Variants in DPYD observed in about 807,000 individuals in gnomAD.
DPYD encodes dihydropyrimidine dehydrogenase [NADP(+)].
DPYD carries 109 observed loss-of-function variants against 116.2 expected under a neutral mutation model. That is an observed-to-expected ratio of 0.94 (90% confidence interval 0.80 to 1.10). DPYD has a LOEUF of 1.10. Among genes scored for constraint, DPYD ranks in the 50% least tolerant of loss-of-function variants. The probability of loss-of-function intolerance (pLI) is 0.00; values close to 1 mark genes in which losing one functional copy is unlikely to be tolerated. For synonymous variants in DPYD, 440 were observed against 432.0 expected, an observed-to-expected ratio of 1.02 and a Z score of -0.23; for missense variants, 1,302 against 1,254.5, an observed-to-expected ratio of 1.04 and a Z score of -0.57.
intron 21 of DPYD, among the ~76,000 whole-genome samples, chr1:97,092,080 G>T (rs1360512441): frequency 2.6e-5 from 4 of 152,018 alleles, no homozygotes; most frequent in African/African-American, 7.2e-5. Flanking sequence ...GGTGTTCCCT[G>T]GCCAGTCTCT....
At chr1:97,163,107 C>A (rs1329985194) in intron 20 of DPYD, among the ~76,000 whole-genome samples, 1 of 151,566 alleles carries the variant, frequency 6.6e-6, no homozygotes, top group Non-Finnish European at 1.5e-5. Context: ...AAAGCAATGG[C>A]AACAAAAGCC....
In DPYD at chr1:97,679,098, T is replaced by C. The variant is rs1392848676; in HGVS notation, c.847A>G (p.Ile283Val). ...EKGYKAAFIGIGLPEPNKDAI... is the reference protein window; with the variant it reads ...EKGYKAAFIGVGLPEPNKDAI... The stretch of plus-strand genomic sequence containing the variant: ...TATTTAAGAGTAAACTACTCACCTA[T>C]TCCAATGAAAGCAGCTTTGTAGCCT... The change falls in exon 8 of 23, where the codon ATA becomes GTA. Residue 283 changes from isoleucine to valine, a missense_variant. Physicochemically the swap from Ile to Val is conservative, Grantham distance 29. Transcript: ENST00000370192. The C allele has an allele frequency of 2.6e-6, 4 of 1,527,172 alleles. No individual in the cohort carries two copies. Among genetic ancestry groups the C allele is most frequent in the East Asian group, 2.3e-5 (1 of 43,934 alleles). 94.6% of individuals were successfully genotyped at this position (1,527,172 alleles called of 1,614,324 possible).
intron 14 of DPYD, among the ~76,000 whole-genome samples, chr1:97,398,597 T>C (rs2101627052): frequency 6.6e-6 from 1 of 152,266 alleles, no homozygotes; most frequent in Admixed American, 6.5e-5. Flanking sequence ...CCACATCCTC[T>C]CCAGCACCTG....
At chr1:97,920,753 T>C in intron 1 of DPYD, 131 bp downstream of exon 1, 2 of 1,306,134 alleles carry the variant, frequency 1.5e-6, no homozygotes, top group South Asian at 2.6e-5. Flanking sequence ...CCCGCAGAGC[T>C]CCCACGGGGG....
In DPYD at chr1:97,234,840, C is replaced by G. The variant is rs1420731810; in HGVS notation, c.2442+12G>C. ...GAGATTTTTAAAAGGGACAGACAAA[C>G]ACAATGACTACCTGGAGGACGGAAG... is the stretch of plus-strand genomic sequence containing the variant. On this transcript the variant is annotated intron_variant, in intron 19 of 22. Transcript: ENST00000370192. The G allele has an allele frequency of 3.1e-6, 5 of 1,613,542 alleles. No homozygotes were observed. Among genetic ancestry groups the G allele is most frequent in the Non-Finnish European group, 3.4e-6 (4 of 1,179,852 alleles).
intron 13 of DPYD, among the ~76,000 whole-genome samples, chr1:97,466,660 A>G (rs940060980): frequency 6.6e-6 from 1 of 152,096 alleles, no homozygotes; most frequent in African/African-American, 2.4e-5. Flanking sequence ...TGTTCTTTGA[A>G]ATATTTGGGG....
intron 20 of DPYD, among the ~76,000 whole-genome samples, chr1:97,152,439 T>TACACACACAC (rs71590217): frequency 0.026 from 3,785 of 145,300 alleles, 92 homozygotes; most frequent in African/African-American, 0.066. Flanking sequence ...CTGAATCACA[T>TACACACACAC]ACACACACAC....
At chr1:97,731,122 T>C (rs1342499081) in intron 4 of DPYD, among the ~76,000 whole-genome samples, 1 of 152,166 alleles carries the variant, frequency 6.6e-6, no homozygotes, top group Non-Finnish European at 1.5e-5. Context: ...CACATGATTA[T>C]TTATGCCATT....
At chr1:97,693,361 C>A (rs567231595) in intron 6 of DPYD, among the ~76,000 whole-genome samples, 1 of 148,796 alleles carries the variant, frequency 6.7e-6, no homozygotes, top group South Asian at 2.2e-4. Flanking sequence ...AAAATCAAAG[C>A]TGTACACTAA....
chr1:97,879,035 CA>C (rs1672052031), intron 2 of DPYD, among the ~76,000 whole-genome samples: 1 of 151,792 alleles, frequency 6.6e-6, no homozygotes. Context: ...TTTCCTTATT[CA>C]AAAAAATTCT....
intron 10 of DPYD, among the ~76,000 whole-genome samples, chr1:97,583,390 G>T (rs1653837977): frequency 6.6e-6 from 1 of 152,010 alleles, no homozygotes; most frequent in Non-Finnish European, 1.5e-5. Flanking sequence ...ATATGATGAC[G>T]TTTTCTTAAA....
At chr1:97,697,933 T>C (rs1296963215) in intron 6 of DPYD, among the ~76,000 whole-genome samples, 3 of 152,014 alleles carry the variant, frequency 2.0e-5, no homozygotes, top group South Asian at 2.1e-4. Flanking sequence ...ATTTTAAAAA[T>C]TGACTCAGAT....
At chr1:97,797,442 A>T (rs1667627944) in intron 3 of DPYD, 1 of 97,882 alleles carries the variant, frequency 1.0e-5, no homozygotes, top group African/African-American at 3.3e-5. Flanking sequence ...ATAGTAGCTT[A>T]CATTTCTTTT....
At chr1:97,217,135 G>T (rs944024000) in intron 19 of DPYD, among the ~76,000 whole-genome samples, 14 of 152,078 alleles carry the variant, frequency 9.2e-5, no homozygotes, top group Non-Finnish European at 2.1e-4. Flanking sequence ...TTGAACACGG[G>T]AGGCGGAGGT....
chr1:97,702,805 ATATTT>A (rs1185726048), intron 5 of DPYD, among the ~76,000 whole-genome samples: 2 of 152,012 alleles, frequency 1.3e-5, no homozygotes, highest in African/African-American at 4.8e-5. Flanking sequence ...TTCACCTAAA[ATATTT>A]TAATATTTTT....
At chr1:97,226,172 C>A (rs182929361) in intron 19 of DPYD, among the ~76,000 whole-genome samples, 1 of 152,048 alleles carries the variant, frequency 6.6e-6, no homozygotes, top group Non-Finnish European at 1.5e-5. Context: ...GAAAAATCAT[C>A]CGACAAAATT....
intron 19 of DPYD, among the ~76,000 whole-genome samples, chr1:97,203,715 G>A (rs1316514718): frequency 2.4e-5 from 2 of 84,146 alleles, no homozygotes; most frequent in Admixed American, 2.2e-4. Flanking sequence ...GAAAATTAAC[G>A]CATGGAATTT....
At chr1:97,161,958 AT>A (rs1655942545) in intron 20 of DPYD, among the ~76,000 whole-genome samples, 1 of 151,732 alleles carries the variant, frequency 6.6e-6, no homozygotes, top group Admixed American at 6.6e-5. Flanking sequence ...CATTTTTTTA[AT>A]CCAGTCTATC....
intron 19 of DPYD, among the ~76,000 whole-genome samples, chr1:97,225,137 C>G (rs1306933719): frequency 6.6e-6 from 1 of 151,852 alleles, no homozygotes; most frequent in Non-Finnish European, 1.5e-5. Context: ...TAGGTCACAT[C>G]GTAGTTCTGT....
Sources: allele counts gnomAD v4.1 joint callset (sites outside exome capture counted in the v4.1 genomes callset), GRCh38; gene constraint gnomAD v4.1.1; transcripts MANE v1.5; gene names NCBI Gene and HGNC (gene_info 2026-07-23, HGNC 2026-07-21).